SEMA3D: variants seen among roughly 807,000 people sequenced by gnomAD.
SEMA3D encodes the protein semaphorin 3D.
SEMA3D carries 84 observed loss-of-function variants against 100.1 expected under a neutral mutation model. The ratio of observed to expected loss-of-function variants is 0.84; its 90% CI spans 0.70 to 1.01. SEMA3D has a LOEUF of 1.01. Among genes scored for constraint, SEMA3D ranks in the 50% least tolerant of loss-of-function variants. The pLI is 0.00. For missense variants in SEMA3D, 875 were observed against 934.1 expected (o/e 0.94, Z 0.82); for synonymous variants, 312 against 320.7 (o/e 0.97, Z 0.29).
chr7:85,067,128 A>T (rs1791651013), intron 7 of SEMA3D, among the ~76,000 whole-genome samples: 1 of 152,192 alleles, frequency 6.6e-6, no homozygotes, highest in Non-Finnish European at 1.5e-5. Flanking sequence ...GTCACTTTGA[A>T]ACCTATAAAA....
chr7:85,166,053 G>A (rs1321679764), intron 1 of SEMA3D, among the ~76,000 whole-genome samples: 2 of 151,890 alleles, frequency 1.3e-5, no homozygotes, highest in African/African-American at 2.4e-5. Context: ...CCAAGAATAC[G>A]GTTAATGGCA....
At chr7:85,116,310 TTA>T (rs1258211752) in intron 3 of SEMA3D, among the ~76,000 whole-genome samples, 1 of 146,346 alleles carries the variant, frequency 6.8e-6, no homozygotes, top group East Asian at 2.0e-4. Flanking sequence ...ATGTATATAT[TTA>T]TATATATTTA....
chr7:85,126,783 C>A (rs1364763862), intron 2 of SEMA3D, among the ~76,000 whole-genome samples: 1 of 151,996 alleles, frequency 6.6e-6, no homozygotes, highest in Non-Finnish European at 1.5e-5. Context: ...GTAACATAGG[C>A]AAACACAGAG....
At chr7:85,131,276 T>C (rs931592559) in intron 2 of SEMA3D, among the ~76,000 whole-genome samples, 4 of 152,046 alleles carry the variant, frequency 2.6e-5, no homozygotes, top group African/African-American at 9.7e-5. Flanking sequence ...TTTTAATTCT[T>C]TGAGATCATA....
intron 1 of SEMA3D, among the ~76,000 whole-genome samples, chr7:85,175,128 A>G (rs193213139): frequency 6.6e-6 from 1 of 152,310 alleles, no homozygotes; most frequent in East Asian, 1.9e-4. Context: ...AGTAGGGGAA[A>G]GTAGGCCTGA....
At chr7:85,041,700 G>A (rs1292100991) in intron 10 of SEMA3D, 1 of 153,330 alleles carries the variant, frequency 6.5e-6, no homozygotes, top group African/African-American at 2.4e-5. Context: ...GGAGTGAAGA[G>A]GAGAAGTGAA....
the SEMA3D span, among the ~76,000 whole-genome samples, chr7:85,218,449 A>G: frequency 6.6e-6 from 1 of 152,078 alleles, no homozygotes; most frequent in Non-Finnish European, 1.5e-5. Flanking sequence ...ATGCGACTCT[A>G]TATTTCAAAT....
the SEMA3D span, among the ~76,000 whole-genome samples, chr7:85,216,976 G>A: frequency 6.6e-6 from 1 of 151,526 alleles, no homozygotes; most frequent in African/African-American, 2.4e-5. Flanking sequence ...AGATTTTAGT[G>A]TGTTTTCTAA....
At chr7:85,073,199 A>T in intron 5 of SEMA3D, 118 bp from the exon 6 acceptor site, 1 of 919,318 alleles carries the variant, frequency 1.1e-6, no homozygotes, top group Non-Finnish European at 1.7e-6. Flanking sequence ...CAAATGAAAA[A>T]AGATTTATGA....
chr7:85,081,841 A>G (rs779535130), intron 4 of SEMA3D, among the ~76,000 whole-genome samples: 3 of 152,220 alleles, frequency 2.0e-5, no homozygotes, highest in Non-Finnish European at 2.9e-5. Flanking sequence ...TTATGTTCAG[A>G]GGTCCATAAG....
At chr7:85,225,298 C>T in the SEMA3D span, among the ~76,000 whole-genome samples, 1 of 149,892 alleles carries the variant, frequency 6.7e-6, no homozygotes, top group Non-Finnish European at 1.5e-5. Context: ...CTTATCTTTC[C>T]TCTTTTCCTG....
At position 85,097,905 on chromosome 7, in the gene SEMA3D, T is replaced by A. The variant is rs777476976; in HGVS notation, c.212A>T (p.Gln71Leu). The change falls in exon 4 of 19, where the codon CAA becomes CTA. Residue 71 changes from glutamine (Q) to leucine (L), a missense_variant. Coordinates refer to ENST00000284136, the MANE Select transcript of SEMA3D (RefSeq NM_001384900.1). ...FLGSSEGLDFQTLLLDEERGR... is the reference protein window; with the variant it reads ...FLGSSEGLDFLTLLLDEERGR... The stretch of plus-strand genomic sequence containing the variant: ...TCTTTCCTCATCTAAGAGAAGAGTT[T>A]GAAAATCCAGTCCTTCTGATGAACC... 1 of 1,609,418 alleles carries A rather than the reference T, an allele frequency of 6.2e-7. No homozygotes were observed. Among genetic ancestry groups the A allele is most frequent in the Non-Finnish European group, 8.5e-7 (1 of 1,177,062 alleles).
Position 85,097,822 on chromosome 7 carries a change from T to A in SEMA3D, c.295A>T (p.Asn99Tyr), listed in dbSNP as rs769595578. Residue 99 changes from asparagine to tyrosine, a missense_variant, in exon 4 of 19, where the codon AAC (asparagine) becomes TAC (tyrosine). Physicochemically the swap from Asn to Tyr is moderately radical, Grantham distance 143. Transcript: ENST00000284136. ...ATACTGACCTTCTTAAAATTTTTGT[T>A]TAAGTCAACCAGACTGAGTAGAAAG... The part of the protein sequence containing the change: ...HIFLLSLVDL[N>Y]KNFKKIYWPA... 40 of 1,597,958 alleles carry A rather than the reference T, an allele frequency of 2.5e-5. No individual in the cohort carries two copies. The Middle Eastern group carries it at 6.7e-4, about 27-fold the overall frequency.
At chr7:85,025,193 A>C (rs1790359638) in intron 12 of SEMA3D, among the ~76,000 whole-genome samples, 2 of 152,070 alleles carry the variant, frequency 1.3e-5, no homozygotes, top group Admixed American at 1.3e-4. Context: ...TTGCCAGATT[A>C]GCTCCTAGGA....
chr7:85,244,164 G>A, the SEMA3D span, among the ~76,000 whole-genome samples: 453 of 151,020 alleles, frequency 3.0e-3, 3 homozygotes, highest in African/African-American at 0.01. Flanking sequence ...ATGAGGAGCT[G>A]GTGCTGCTTC....
At chr7:85,085,588 C>A (rs184372343) in intron 4 of SEMA3D, among the ~76,000 whole-genome samples, 46 of 152,180 alleles carry the variant, frequency 3.0e-4, no homozygotes, top group African/African-American at 1.1e-3. Flanking sequence ...GCCAAGGCAT[C>A]AAATTGAGGT....
At chr7:85,223,535 T>C in the SEMA3D span, among the ~76,000 whole-genome samples, 1 of 151,672 alleles carries the variant, frequency 6.6e-6, no homozygotes, top group African/African-American at 2.4e-5. Flanking sequence ...ATATATCATA[T>C]ATTTGTGTGT....
At chr7:85,165,161 C>T (rs967717225) in intron 1 of SEMA3D, among the ~76,000 whole-genome samples, 45 of 151,770 alleles carry the variant, frequency 3.0e-4, no homozygotes, top group Non-Finnish European at 4.0e-4. Flanking sequence ...CACATGTATA[C>T]ATGTGTAACG....
intron 11 of SEMA3D, among the ~76,000 whole-genome samples, chr7:85,037,332 TGATA>T (rs1201000129): frequency 1.3e-5 from 2 of 152,290 alleles, no homozygotes; most frequent in East Asian, 3.9e-4. Context: ...AATTGGCACC[TGATA>T]GATAAACAGA....
Sources: gnomAD v4.1 joint callset for allele counts (sites outside exome capture counted in the v4.1 genomes callset) on GRCh38, gnomAD v4.1.1 for gene constraint, MANE v1.5 for transcripts, NCBI Gene and HGNC (gene_info 2026-07-23, HGNC 2026-07-21) for gene names.